CREB5: variants seen among roughly 807,000 people sequenced by gnomAD.
CREB5 encodes the protein cAMP responsive element binding protein 5.
CREB5 carries 19 observed loss-of-function variants against 57.1 expected under a neutral mutation model. The ratio of observed to expected loss-of-function variants is 0.33; its 90% CI spans 0.23 to 0.49. The LOEUF (loss-of-function observed/expected upper bound fraction) is 0.49. Among genes scored for constraint, CREB5 ranks in the 20% least tolerant of loss-of-function variants. The pLI, the probability that CREB5 is intolerant of heterozygous loss-of-function variation, is 0.99. For missense variants in CREB5, 579 were observed against 671.6 expected (o/e 0.86, Z 1.52); for synonymous variants, 238 against 238.3 (o/e 1.00, Z 0.01).
At chr7:28,425,963 T>C (rs1005894407) in intron 1 of CREB5, among the ~76,000 whole-genome samples, 1 of 152,214 alleles carries the variant, frequency 6.6e-6, no homozygotes, top group Admixed American at 6.5e-5. Flanking sequence ...GGGCCACCAC[T>C]GTCCTCTGGG....
intron 1 of CREB5, among the ~76,000 whole-genome samples, chr7:28,350,355 G>T (rs1257042099): frequency 6.6e-6 from 1 of 152,112 alleles, no homozygotes; most frequent in South Asian, 2.1e-4. Context: ...AGCACACATT[G>T]CTTCTCCTCA....
At chr7:28,659,665 T>A (rs1024219423) in intron 5 of CREB5, among the ~76,000 whole-genome samples, 8 of 152,210 alleles carry the variant, frequency 5.3e-5, no homozygotes, top group African/African-American at 1.9e-4. Flanking sequence ...TGATGCAATA[T>A]GGACTAGATT....
Position 28,634,752 on chromosome 7 carries a change from C to G in CREB5, c.464+64215C>G, listed in dbSNP as rs145802066. Reference sequence around the variant, plus strand: ...TGCCTTCTTCCCTTACTTTCTAGCTCTGGTCCATCTCACTTTCTGAACTCT... The same window carrying G: ...TGCCTTCTTCCCTTACTTTCTAGCTGTGGTCCATCTCACTTTCTGAACTCT... On this transcript the variant is annotated intron_variant, in intron 5 of 10. Transcript: ENST00000357727. Among the ~76,000 whole-genome samples the G allele has an allele frequency of 1.6e-3, 243 of 152,312 alleles. 1 individual carries two copies. Among genetic ancestry groups the G allele is most frequent in the Admixed American group, 2.7e-3 (42 of 15,300 alleles).
At chr7:28,474,478 C>G (rs1466922549) in intron 1 of CREB5, among the ~76,000 whole-genome samples, 1 of 152,164 alleles carries the variant, frequency 6.6e-6, no homozygotes, top group African/African-American at 2.4e-5. Context: ...TGCCCTATGA[C>G]TGGCTGATTG....
At chr7:28,691,362 T>G in intron 5 of CREB5, among the ~76,000 whole-genome samples, 1 of 146,972 alleles carries the variant, frequency 6.8e-6, no homozygotes, top group Non-Finnish European at 1.5e-5. Flanking sequence ...AGAGGTTGCA[T>G]TGAGTAGAGA....
At chr7:28,762,167 T>C (rs575240817) in intron 7 of CREB5, among the ~76,000 whole-genome samples, 4 of 152,320 alleles carry the variant, frequency 2.6e-5, no homozygotes, top group Non-Finnish European at 4.4e-5. Context: ...AAACTTAAGG[T>C]TACCACATCT....
At chr7:28,591,819 C>G (rs1359795656) in intron 5 of CREB5, among the ~76,000 whole-genome samples, 1 of 152,100 alleles carries the variant, frequency 6.6e-6, no homozygotes, top group African/African-American at 2.4e-5. Context: ...ACTGGTAATA[C>G]TATTATATTA....
chr7:28,405,876 G>A (rs557108743), intron 1 of CREB5, among the ~76,000 whole-genome samples: 26 of 152,270 alleles, frequency 1.7e-4, no homozygotes, highest in African/African-American at 6.3e-4. Context: ...TAGGTGGGGA[G>A]TTCCCCAGAC....
intron 7 of CREB5, among the ~76,000 whole-genome samples, chr7:28,799,124 T>A (rs1808222755): frequency 6.6e-6 from 1 of 152,204 alleles, no homozygotes; most frequent in Admixed American, 6.5e-5. Flanking sequence ...TGTTTCGAAA[T>A]GACATGGAGA....
intron 1 of CREB5, among the ~76,000 whole-genome samples, chr7:28,403,220 T>C (rs1277741116): frequency 6.6e-6 from 1 of 152,194 alleles, no homozygotes; most frequent in Non-Finnish European, 1.5e-5. Flanking sequence ...TACAGCTGGC[T>C]TATGCTAAGA....
At chr7:28,698,371 A>AC (rs376971632) in intron 5 of CREB5, among the ~76,000 whole-genome samples, 26,578 of 143,584 alleles carry the variant, frequency 0.19, 2,864 homozygotes, top group Admixed American at 0.24. Context: ...AAAAAAAAAA[A>AC]CACACTCACA....
chr7:28,429,324 C>A (rs756955924), intron 1 of CREB5, among the ~76,000 whole-genome samples: 4 of 152,186 alleles, frequency 2.6e-5, no homozygotes, highest in Non-Finnish European at 5.9e-5. Flanking sequence ...CTGTGCCCGT[C>A]CTAAAATAAT....
At chr7:28,778,714 C>CTAT (rs1377552794) in intron 7 of CREB5, among the ~76,000 whole-genome samples, 1 of 152,188 alleles carries the variant, frequency 6.6e-6, no homozygotes, top group East Asian at 1.9e-4. Context: ...GCAAAGATCA[C>CTAT]TATTATAATT....
At chr7:28,675,617 G>A (rs1800281649) in intron 5 of CREB5, among the ~76,000 whole-genome samples, 1 of 152,160 alleles carries the variant, frequency 6.6e-6, no homozygotes, top group Admixed American at 6.5e-5. Context: ...GAGGGATCAA[G>A]TAACACCAAA....
intron 5 of CREB5, among the ~76,000 whole-genome samples, chr7:28,697,281 C>T (rs1801626338): frequency 6.6e-6 from 1 of 152,114 alleles, no homozygotes; most frequent in Non-Finnish European, 1.5e-5. Context: ...ATAGAAAGGC[C>T]ACCAGAATGC....
rs538027960 is a variant in CREB5, at chr7:28,474,233, G to T, written c.4-13942G>T. Among the ~76,000 whole-genome samples, 13 of 152,254 alleles carry T rather than the reference G, an allele frequency of 8.5e-5. 1 individual carries two copies. Among genetic ancestry groups the T allele is most frequent in the Admixed American group, 7.8e-4 (12 of 15,296 alleles). ...AGGAATGGCTTGGGATGTCAGGACT[G>T]GTCTGTGTAGGAAATCTGGAGAATA... On this transcript the variant is annotated intron_variant, in intron 1 of 10. Coordinates refer to ENST00000357727, the MANE Select transcript of CREB5 (RefSeq NM_182898.4).
At chr7:28,786,156 G>T (rs1487440153) in intron 7 of CREB5, among the ~76,000 whole-genome samples, 1 of 152,180 alleles carries the variant, frequency 6.6e-6, no homozygotes, top group Admixed American at 6.5e-5. Flanking sequence ...CAAAGAAAAT[G>T]AGTAGCATAA....
At chr7:28,500,165 A>G (rs1447301439) in intron 3 of CREB5, among the ~76,000 whole-genome samples, 2 of 152,250 alleles carry the variant, frequency 1.3e-5, no homozygotes, top group African/African-American at 4.8e-5. Flanking sequence ...GAAGGGAGAT[A>G]ATAAATAACA....
At chr7:28,697,509 C>A (rs888054537) in intron 5 of CREB5, among the ~76,000 whole-genome samples, 1 of 152,108 alleles carries the variant, frequency 6.6e-6, no homozygotes, top group African/African-American at 2.4e-5. Flanking sequence ...TCACCCCCAC[C>A]CCCTCCCAGA....
Sources: gnomAD v4.1 joint callset for allele counts (sites outside exome capture counted in the v4.1 genomes callset) on GRCh38, gnomAD v4.1.1 for gene constraint, MANE v1.5 for transcripts, NCBI Gene and HGNC (gene_info 2026-07-23, HGNC 2026-07-21) for gene names.